The following PPARGC1A variants were observed in gnomAD, a reference collection of about 807,000 sequenced individuals.
The protein encoded by PPARGC1A is peroxisome proliferator-activated receptor gamma coactivator 1-alpha.
In PPARGC1A, 25 loss-of-function variants were observed where a neutral mutation model predicts 88.7. The ratio of observed to expected loss-of-function variants is 0.28; its 90% CI spans 0.21 to 0.39. PPARGC1A has a LOEUF of 0.39. Ranked by LOEUF, PPARGC1A falls within the 10% of genes least tolerant of loss-of-function variation. The pLI, the probability that PPARGC1A is intolerant of heterozygous loss-of-function variation, is 1.00. For synonymous variants in PPARGC1A, 363 were observed against 355.6 expected, an observed-to-expected ratio of 1.02 and a Z score of -0.24; for missense variants, 880 against 968.7, an observed-to-expected ratio of 0.91 and a Z score of 1.22.
the PPARGC1A span, among the ~76,000 whole-genome samples, chr4:23,939,158 T>C: frequency 6.6e-6 from 1 of 152,186 alleles, no homozygotes. Context: ...CATGACTACA[T>C]CTTATTTTTA....
the PPARGC1A span, among the ~76,000 whole-genome samples, chr4:24,384,767 G>T: frequency 6.6e-6 from 1 of 152,064 alleles, no homozygotes; most frequent in Non-Finnish European, 1.5e-5. Flanking sequence ...GCTATAAAGA[G>T]ACTTAGACTC....
the PPARGC1A span, among the ~76,000 whole-genome samples, chr4:24,408,499 T>TGGCCTCCA: frequency 1.3e-5 from 2 of 152,244 alleles, no homozygotes; most frequent in African/African-American, 2.4e-5. Context: ...CTCCATTGGA[T>TGGCCTCCA]CTGAGGTGGC....
chr4:23,923,124 T>G, the PPARGC1A span, among the ~76,000 whole-genome samples: 19 of 151,760 alleles, frequency 1.3e-4, no homozygotes, highest in African/African-American at 1.9e-4. Context: ...TTGTTTTTTT[T>G]TTTTTTTTTT....
chr4:24,341,170 T>C, the PPARGC1A span, among the ~76,000 whole-genome samples: 7 of 151,366 alleles, frequency 4.6e-5, no homozygotes, highest in African/African-American at 1.7e-4. Context: ...ATATAAAGAA[T>C]AGCTCCCCAG....
chr4:23,808,068 G>A (rs774799710), intron 10 of PPARGC1A, among the ~76,000 whole-genome samples: 12 of 151,836 alleles, frequency 7.9e-5, no homozygotes, highest in Non-Finnish European at 1.3e-4. Context: ...TGGCCAACAC[G>A]GTGAAACCCC....
intron 10 of PPARGC1A, among the ~76,000 whole-genome samples, chr4:23,806,841 T>G (rs1369637526): frequency 6.6e-6 from 1 of 152,172 alleles, no homozygotes; most frequent in Non-Finnish European, 1.5e-5. Flanking sequence ...CTACTCCTGA[T>G]AAAAGGGGTT....
the PPARGC1A span, among the ~76,000 whole-genome samples, chr4:24,297,025 G>A: frequency 1.3e-5 from 2 of 152,070 alleles, no homozygotes; most frequent in Non-Finnish European, 2.9e-5. Flanking sequence ...AAAAGACAAG[G>A]GACTTGAGTG....
the PPARGC1A span, among the ~76,000 whole-genome samples, chr4:24,022,125 G>A: frequency 6.6e-6 from 1 of 152,176 alleles, no homozygotes; most frequent in Non-Finnish European, 1.5e-5. Context: ...GCTACAGGTG[G>A]ATGGATGAGC....
chr4:24,425,196 A>C, the PPARGC1A span, among the ~76,000 whole-genome samples: 2 of 152,208 alleles, frequency 1.3e-5, no homozygotes, highest in Non-Finnish European at 2.9e-5. Flanking sequence ...GGAAGAAAAA[A>C]ATCTGTGATG....
At chr4:24,470,982 C>T in the PPARGC1A span, among the ~76,000 whole-genome samples, 1 of 151,546 alleles carries the variant, frequency 6.6e-6, no homozygotes. This position sits in a 1 kb window ranked among gnomAD's most constrained non-coding sequence, Gnocchi z 5.8. Context: ...GTCTTCTCTG[C>T]CGGGAGCTCG....
the PPARGC1A span, among the ~76,000 whole-genome samples, chr4:23,910,380 A>ATATATTATATATATTATAT: frequency 3.7e-5 from 4 of 107,174 alleles, no homozygotes; most frequent in African/African-American, 1.5e-4. Context: ...ATTATATTAT[A>ATATATTATATATATTATAT]TATATTATAT....
chr4:24,204,687 A>G, the PPARGC1A span, among the ~76,000 whole-genome samples: 2 of 152,018 alleles, frequency 1.3e-5, no homozygotes, highest in Non-Finnish European at 2.9e-5. Context: ...ACTCAGTAAC[A>G]TTTTGTCCAC....
At chr4:23,985,468 A>ATTTT in the PPARGC1A span, among the ~76,000 whole-genome samples, 10 of 144,390 alleles carry the variant, frequency 6.9e-5, no homozygotes, top group East Asian at 1.5e-3. Context: ...TATCTCTGCA[A>ATTTT]TTTTTTTTTT....
At chr4:24,104,149 C>T in the PPARGC1A span, among the ~76,000 whole-genome samples, 1 of 152,198 alleles carries the variant, frequency 6.6e-6, no homozygotes, top group African/African-American at 2.4e-5. Flanking sequence ...CTGCTTTCTT[C>T]CTAGTTGAGT....
intron 7 of PPARGC1A, among the ~76,000 whole-genome samples, chr4:23,821,301 A>G (rs1431653967): frequency 6.6e-6 from 1 of 152,172 alleles, no homozygotes; most frequent in Non-Finnish European, 1.5e-5. Context: ...GCAGAAAGTA[A>G]GGAAGATACT....
the PPARGC1A span, among the ~76,000 whole-genome samples, chr4:24,450,473 C>A: frequency 0.021 from 3,145 of 152,280 alleles, 49 homozygotes; most frequent in Middle Eastern, 0.058. Flanking sequence ...CTTTCTAGAA[C>A]TTTCATATGG....
chr4:24,163,508 A>T, the PPARGC1A span, among the ~76,000 whole-genome samples: 1 of 152,146 alleles, frequency 6.6e-6, no homozygotes, highest in East Asian at 1.9e-4. Context: ...ATTTAAAAAA[A>T]TATGCTGACC....
At chr4:24,114,123 CAAAAAAAAAAA>C in the PPARGC1A span, among the ~76,000 whole-genome samples, 1 of 60,874 alleles carries the variant, frequency 1.6e-5, no homozygotes, top group Non-Finnish European at 3.0e-5. Flanking sequence ...GACTCCATCA[CAAAAAAAAAAA>C]AAAAAAAAAA....
the PPARGC1A span, among the ~76,000 whole-genome samples, chr4:24,417,517 C>T: frequency 6.6e-6 from 1 of 152,130 alleles, no homozygotes; most frequent in Non-Finnish European, 1.5e-5. Flanking sequence ...ATGTAAATTC[C>T]CCTATAAAAC....
Sources: allele counts gnomAD v4.1 joint callset (sites outside exome capture counted in the v4.1 genomes callset), GRCh38; gene constraint gnomAD v4.1.1; non-coding constraint Gnocchi (gnomAD v3.1); transcripts MANE v1.5; gene names NCBI Gene and HGNC (gene_info 2026-07-23, HGNC 2026-07-21).